CADM2: variants seen among roughly 807,000 people sequenced by gnomAD.
The protein encoded by CADM2 is immunoglobulin superfamily member 4D.
CADM2 carries 12 observed loss-of-function variants against 49.8 expected under a neutral mutation model. That is an observed-to-expected ratio of 0.24 (90% confidence interval 0.15 to 0.39). The LOEUF (loss-of-function observed/expected upper bound fraction) is 0.39, where lower values mean the gene tolerates loss of function less well. CADM2 is among the 10% of genes least tolerant of loss of function. The pLI, the probability that CADM2 is intolerant of heterozygous loss-of-function variation, is 1.00. For synonymous variants in CADM2, 214 were observed against 175.4 expected (o/e 1.22, Z -1.74); for missense variants, 378 against 492.3 (o/e 0.77, Z 2.20).
At chr3:85,885,494 AC>A (rs1713478030) in intron 4 of CADM2, among the ~76,000 whole-genome samples, 1 of 151,842 alleles carries the variant, frequency 6.6e-6, no homozygotes, top group Non-Finnish European at 1.5e-5. Context: ...AACATGGAGA[AC>A]CACCCCCACC....
chr3:86,002,728 G>T (rs561499613), intron 8 of CADM2, among the ~76,000 whole-genome samples: 49 of 152,054 alleles, frequency 3.2e-4, no homozygotes, highest in Non-Finnish European at 6.8e-4. Flanking sequence ...AAAACTATTG[G>T]TTCAAAATCG....
At chr3:84,984,789 A>C (rs1384140005) in intron 1 of CADM2, among the ~76,000 whole-genome samples, 2 of 152,136 alleles carry the variant, frequency 1.3e-5, no homozygotes, top group Non-Finnish European at 2.9e-5. Flanking sequence ...ATTTCCATTC[A>C]ATTTGTAGCA....
chr3:85,941,435 G>A (rs192058297), intron 7 of CADM2, among the ~76,000 whole-genome samples: 6 of 152,020 alleles, frequency 3.9e-5, no homozygotes, highest in African/African-American at 7.2e-5. Context: ...AATCCAGACC[G>A]AAGTCATGGC....
chr3:85,037,847 C>T (rs992363518), intron 1 of CADM2, among the ~76,000 whole-genome samples: 2 of 151,884 alleles, frequency 1.3e-5, no homozygotes, highest in African/African-American at 4.8e-5. Flanking sequence ...AATTTCTGTG[C>T]CTTTCTTGAT....
intron 1 of CADM2, among the ~76,000 whole-genome samples, chr3:85,719,049 A>C (rs983779867): frequency 6.6e-6 from 1 of 151,776 alleles, no homozygotes; most frequent in African/African-American, 2.4e-5. Context: ...AGTAGTTGGG[A>C]TTACAGGTGC....
intron 1 of CADM2, among the ~76,000 whole-genome samples, chr3:85,668,295 CAAA>C (rs11447925): frequency 6.4e-4 from 52 of 81,732 alleles, no homozygotes; most frequent in Admixed American, 1.3e-3. Flanking sequence ...AGTACCAAAG[CAAA>C]AAAAAAAAAA....
intron 1 of CADM2, among the ~76,000 whole-genome samples, chr3:85,475,290 G>T (rs1304736752): frequency 1.3e-5 from 2 of 151,936 alleles, no homozygotes; most frequent in Non-Finnish European, 2.9e-5. Flanking sequence ...GAAGATACAG[G>T]TGTGTGCATC....
intron 1 of CADM2, among the ~76,000 whole-genome samples, chr3:85,031,652 C>G (rs981451666): frequency 3.4e-4 from 51 of 152,194 alleles, no homozygotes; most frequent in African/African-American, 8.9e-4. Context: ...GTAGCTGGGA[C>G]TACAGGCACA....
intron 1 of CADM2, among the ~76,000 whole-genome samples, chr3:85,615,224 GAA>G (rs1491401726): frequency 6.6e-6 from 1 of 151,632 alleles, no homozygotes; most frequent in African/African-American, 2.4e-5. Flanking sequence ...GAGAGAGAGA[GAA>G]AGAGAGAAAG....
At chr3:85,537,480 G>A (rs939136626) in intron 1 of CADM2, among the ~76,000 whole-genome samples, 1 of 99,944 alleles carries the variant, frequency 1.0e-5, no homozygotes, top group Admixed American at 1.3e-4. Context: ...GTACAAGTAC[G>A]CATGCATGGT....
At chr3:85,433,829 G>A (rs2036801005) in intron 1 of CADM2, among the ~76,000 whole-genome samples, 1 of 152,104 alleles carries the variant, frequency 6.6e-6, no homozygotes, top group African/African-American at 2.4e-5. Context: ...CACAGGAAAT[G>A]ATACTTAGAA....
chr3:85,607,896 C>A (rs1297484169), intron 1 of CADM2, among the ~76,000 whole-genome samples: 1 of 151,980 alleles, frequency 6.6e-6, no homozygotes, highest in Non-Finnish European at 1.5e-5. Flanking sequence ...ACCTCGTGAT[C>A]TGCTTGCCTT....
chr3:85,616,039 A>G (rs2107469243), intron 1 of CADM2, among the ~76,000 whole-genome samples: 1 of 152,148 alleles, frequency 6.6e-6, no homozygotes, highest in South Asian at 2.1e-4. Flanking sequence ...GTAAGAGCTG[A>G]TGAGCAGAGT....
At chr3:85,750,053 T>A (rs892625271) in intron 2 of CADM2, among the ~76,000 whole-genome samples, 1 of 152,080 alleles carries the variant, frequency 6.6e-6, no homozygotes, top group Non-Finnish European at 1.5e-5. Flanking sequence ...TTTGTCATTC[T>A]GCGTTAGATA....
chr3:85,581,911 TTTTTGTTTTG>T (rs146275697), intron 1 of CADM2, among the ~76,000 whole-genome samples: 18 of 150,174 alleles, frequency 1.2e-4, no homozygotes, highest in South Asian at 4.2e-4. Context: ...TTTGAAGTGT[TTTTTGTTTTG>T]TTTTGTTTTG....
At chr3:85,586,209 C>A (rs1165628255) in intron 1 of CADM2, among the ~76,000 whole-genome samples, 1 of 152,076 alleles carries the variant, frequency 6.6e-6, no homozygotes, top group South Asian at 2.1e-4. Flanking sequence ...CTTGCATCCC[C>A]CTAGCTCATG....
intron 3 of CADM2, among the ~76,000 whole-genome samples, chr3:85,855,858 C>T (rs1228558802): frequency 1.3e-5 from 2 of 151,790 alleles, no homozygotes; most frequent in African/African-American, 4.8e-5. Context: ...GATCTCCTGA[C>T]CTCGTGATCA....
At chr3:85,227,127 A>G (rs527996855) in intron 1 of CADM2, among the ~76,000 whole-genome samples, 1 of 152,300 alleles carries the variant, frequency 6.6e-6, no homozygotes, top group South Asian at 2.1e-4. Context: ...AGTTCTGTAG[A>G]TGACTATTAG....
At chr3:85,330,023 A>C (rs1490029821) in intron 1 of CADM2, among the ~76,000 whole-genome samples, 1 of 152,180 alleles carries the variant, frequency 6.6e-6, no homozygotes. Context: ...TTTCTGATTA[A>C]ATTCATCTTG....
Sources: gnomAD v4.1 joint callset for allele counts (sites outside exome capture counted in the v4.1 genomes callset) on GRCh38, gnomAD v4.1.1 for gene constraint, MANE v1.5 for transcripts, NCBI Gene and HGNC (gene_info 2026-07-23, HGNC 2026-07-21) for gene names.